The following CREB5 variants were observed in gnomAD, a reference collection of about 807,000 sequenced individuals.
CREB5 encodes cAMP responsive element binding protein 5, also known as cyclic AMP-responsive element-binding protein 5.
A neutral mutation model predicts 57.1 loss-of-function variants in CREB5; 19 were observed. That is an observed-to-expected ratio of 0.33 (90% CI 0.23 to 0.49). The LOEUF (loss-of-function observed/expected upper bound fraction) is 0.49. Ranked by LOEUF, CREB5 falls within the 20% of genes least tolerant of loss-of-function variation. The pLI, the probability that CREB5 is intolerant of heterozygous loss-of-function variation, is 0.99. For synonymous variants in CREB5, 238 were observed against 238.3 expected (o/e 1.00, Z 0.01); for missense variants, 579 against 671.6 (o/e 0.86, Z 1.52).
chr7:28,403,258 G>T (rs114002997), intron 1 of CREB5, among the ~76,000 whole-genome samples: 1,883 of 152,238 alleles, frequency 0.012, 27 homozygotes, highest in African/African-American at 0.042. Context: ...GGGCCAGTTG[G>T]ATTGATTCCT....
chr7:28,650,137 C>CATA lies in CREB5; in HGVS notation c.465-68613_465-68611dup, dbSNP rs573857156. Among the ~76,000 whole-genome samples the CATA allele has an allele frequency of 1.9e-4, 29 of 152,286 alleles. No homozygotes were observed. In the East Asian group the frequency reaches 5.6e-3, roughly 29 times the overall value. On this transcript the variant is annotated intron_variant, in intron 5 of 10. Transcript: ENST00000357727. ...ACTGTTATACTTCATACTGAAAACA[C>CATA]ATAATCTAATGAAACATTTGAAAAA...
intron 7 of CREB5, among the ~76,000 whole-genome samples, chr7:28,739,064 T>C (rs1441074419): frequency 6.6e-6 from 1 of 152,158 alleles, no homozygotes; most frequent in East Asian, 1.9e-4. Context: ...TATGATAAAG[T>C]CAAGCACAAG....
intron 5 of CREB5, among the ~76,000 whole-genome samples, chr7:28,622,259 TCACACACACACACACACA>T (rs4000593): frequency 1.4e-5 from 2 of 142,900 alleles, no homozygotes; most frequent in African/African-American, 2.6e-5. Flanking sequence ...TCTCTCTCTC[TCACACACACACACACACA>T]CACACACACA....
intron 1 of CREB5, among the ~76,000 whole-genome samples, chr7:28,388,424 C>T (rs1787153259): frequency 6.6e-6 from 1 of 152,134 alleles, no homozygotes; most frequent in Admixed American, 6.6e-5. Context: ...CATTAAAATC[C>T]AAACCTCTTG....
intron 1 of CREB5, among the ~76,000 whole-genome samples, chr7:28,437,457 GC>G (rs1299295117): frequency 1.3e-5 from 2 of 152,050 alleles, no homozygotes; most frequent in Non-Finnish European, 2.9e-5. Flanking sequence ...TATCTGTATG[GC>G]CCAAATCCCA....
rs147633375 is a variant in CREB5 at position 28,813,221 on chromosome 7, T to A, written c.1254+3807T>A. ...GTTGACCTAACCCACTTCTTTGTGA[T>A]CTTCTATTTTAGAAACTCCGTAAGC... is the stretch of plus-strand genomic sequence containing the variant. On this transcript the variant is annotated intron_variant, in intron 9 of 10. Transcript: ENST00000357727. Among the ~76,000 whole-genome samples the A allele has an allele frequency of 1.2e-3, 177 of 152,336 alleles. 1 individual carries two copies. Among genetic ancestry groups the A allele is most frequent in the Non-Finnish European group, 1.7e-3 (118 of 68,034 alleles).
At chr7:28,352,850 T>C (rs1405020513) in intron 1 of CREB5, among the ~76,000 whole-genome samples, 2 of 152,212 alleles carry the variant, frequency 1.3e-5, no homozygotes, top group Non-Finnish European at 2.9e-5. Context: ...GGTTCATTAA[T>C]GTGCCCACTG....
At chr7:28,360,353 G>A (rs895266254) in intron 1 of CREB5, among the ~76,000 whole-genome samples, 1 of 152,140 alleles carries the variant, frequency 6.6e-6, no homozygotes, top group African/African-American at 2.4e-5. Flanking sequence ...TTAAAAAATA[G>A]GGTATCTATC....
At chr7:28,589,103 G>A (rs182837324) in intron 5 of CREB5, among the ~76,000 whole-genome samples, 5 of 152,126 alleles carry the variant, frequency 3.3e-5, no homozygotes, top group Admixed American at 3.3e-4. Flanking sequence ...TTGTATATTC[G>A]CCACCTAACA....
At chr7:28,505,240 G>A (rs1307012327) in intron 3 of CREB5, among the ~76,000 whole-genome samples, 1 of 152,110 alleles carries the variant, frequency 6.6e-6, no homozygotes, top group South Asian at 2.1e-4. Flanking sequence ...ACGCACACAC[G>A]CACATACACC....
At chr7:28,807,231 G>A (rs1160702582) in intron 8 of CREB5, among the ~76,000 whole-genome samples, 1 of 152,054 alleles carries the variant, frequency 6.6e-6, no homozygotes, top group African/African-American at 2.4e-5. Context: ...GGTGGATCAC[G>A]AGGTCAGGAG....
chr7:28,560,907 TGCGTGTGCGTGTGTGCGCGTGC>T (rs1795169310), intron 4 of CREB5, among the ~76,000 whole-genome samples: 2 of 42,740 alleles, frequency 4.7e-5, no homozygotes, highest in African/African-American at 2.7e-4. Flanking sequence ...CGTGCGCGCG[TGCGTGTGCGTGTGTGCGCGTGC>T]GTGTGTGCGT....
intron 4 of CREB5, among the ~76,000 whole-genome samples, chr7:28,560,003 A>C (rs1420706878): frequency 1.3e-5 from 2 of 152,244 alleles, no homozygotes; most frequent in Non-Finnish European, 2.9e-5. Flanking sequence ...AGAGGAAGCT[A>C]ATCATTCTAA....
chr7:28,774,786 C>A (rs142907563), intron 7 of CREB5, among the ~76,000 whole-genome samples: 2 of 152,154 alleles, frequency 1.3e-5, no homozygotes, highest in African/African-American at 2.4e-5. Context: ...CAGGGCACTG[C>A]GACAGTATGA....
chr7:28,797,241 C>T (rs910159648), intron 7 of CREB5, among the ~76,000 whole-genome samples: 4 of 152,142 alleles, frequency 2.6e-5, no homozygotes, highest in Non-Finnish European at 4.4e-5. Context: ...ACATTAGATC[C>T]GCTGAAGGTC....
At position 28,793,429 on chromosome 7, in the gene CREB5, G is replaced by A. The variant is rs141162227; in HGVS notation, c.703-10770G>A. Among the ~76,000 whole-genome samples, 998 of 152,274 alleles carry A rather than the reference G, an allele frequency of 6.6e-3. 9 individuals are homozygous for A. Among genetic ancestry groups the A allele is most frequent in the African/African-American group, 0.023 (938 of 41,544 alleles). ...GTTGGCCAGAACACCGAATGTCTAC[G>A]ACAGAGGCCCAATGGTACACATCTT... On this transcript the variant is annotated intron_variant, in intron 7 of 10. Transcript: ENST00000357727.
intron 5 of CREB5, among the ~76,000 whole-genome samples, chr7:28,687,330 T>A (rs572349751): frequency 6.6e-5 from 10 of 151,896 alleles, no homozygotes; most frequent in Non-Finnish European, 1.3e-4. Flanking sequence ...GATTGAGTTG[T>A]CTTAGAAACA....
intron 5 of CREB5, among the ~76,000 whole-genome samples, chr7:28,591,373 AT>A (rs1183038874): frequency 7.9e-5 from 12 of 151,924 alleles, no homozygotes; most frequent in South Asian, 2.1e-4. Flanking sequence ...GGTTCAATTG[AT>A]TTTTTTCCCC....
chr7:28,387,635 G>A (rs1357424731), intron 1 of CREB5, among the ~76,000 whole-genome samples: 1 of 152,120 alleles, frequency 6.6e-6, no homozygotes, highest in Non-Finnish European at 1.5e-5. Flanking sequence ...CCTGTCAGAG[G>A]GTGGAGGGGG....
Sources: gnomAD v4.1 joint callset for allele counts (sites outside exome capture counted in the v4.1 genomes callset) on GRCh38, gnomAD v4.1.1 for gene constraint, MANE v1.5 for transcripts, NCBI Gene and HGNC (gene_info 2026-07-23, HGNC 2026-07-21) for gene names.